Variants in INTS8 observed in about 807,000 individuals in gnomAD.
INTS8 encodes integrator complex subunit 8.
INTS8 carries 47 observed loss-of-function variants against 138.9 expected under a neutral mutation model. The observed-to-expected ratio is 0.34, with a 90% CI of 0.27 to 0.43. INTS8 has a LOEUF of 0.43. Ranked by LOEUF, INTS8 falls within the 20% of genes least tolerant of loss-of-function variation. INTS8 has a pLI of 1.00. For missense variants in INTS8, 996 were observed against 1,173.0 expected, an observed-to-expected ratio of 0.85 and a Z score of 2.20; for synonymous variants, 392 against 400.9, an observed-to-expected ratio of 0.98 and a Z score of 0.27.
At position 94,836,543 on chromosome 8, in the gene INTS8, C is replaced by T; in HGVS notation, c.773C>T (p.Ala258Val). The change falls in exon 7 of 27, where the codon GCA becomes GTA. Residue 258 changes from alanine (A) to valine (V), a missense_variant. Ala to Val is a moderately conservative substitution (Grantham distance 64). Transcript: ENST00000523731. ...TTTCAGGTGTGCTATGATTTGGGCG[C>T]AGCATACTTCCAGCAAGGCTCCACA... is the stretch of plus-strand genomic sequence containing the variant. ...MQCQVCYDLG[A>V]AYFQQGSTNS... 6.2e-7 allele frequency: 1 copy of T among 1,613,726 alleles called. No homozygotes were observed. The highest frequency in any genetic ancestry group is 8.5e-7 in the Non-Finnish European group (1 of 1,179,822).
At chr8:94,827,181 T>G in intron 2 of INTS8, 82 bp from the exon 3 acceptor site, 1 of 1,221,922 alleles carries the variant, frequency 8.2e-7, no homozygotes, top group East Asian at 2.3e-5. Flanking sequence ...GTAGGTATTT[T>G]CAGCGAGGAT....
In INTS8 at chr8:94,877,628, C is replaced by T. The variant is rs112144654; in HGVS notation, c.2871+1139C>T. ...TTGTTCCTCTACATGTGTCAAAAGACGTGAGGAATTTACCTGTCACCCTGA... is the reference window on the plus strand; with the variant it reads ...TTGTTCCTCTACATGTGTCAAAAGATGTGAGGAATTTACCTGTCACCCTGA... On this transcript the variant is annotated intron_variant, in intron 26 of 26. Coordinates refer to ENST00000523731, the MANE Select transcript of INTS8 (RefSeq NM_017864.4). Among the ~76,000 whole-genome samples the T allele has an allele frequency of 2.1e-3, 321 of 152,314 alleles. 1 individual carries two copies. In the Middle Eastern group the frequency reaches 0.031, roughly 15 times the overall value.
intron 15 of INTS8, 26 bp downstream of exon 15, chr8:94,857,004 T>A (rs1815772276): frequency 6.4e-7 from 1 of 1,558,544 alleles, no homozygotes; most frequent in Non-Finnish European, 8.8e-7. Flanking sequence ...AAAGACAAAT[T>A]TCAGAAACTC....
At position 94,850,095 on chromosome 8, in the gene INTS8, A is replaced by G; in HGVS notation, c.1507+4A>G. On this transcript the variant is annotated splice_donor_region_variant and intron_variant, in intron 12 of 26. Transcript: ENST00000523731. ...ACTTCATTTTATGATATCCCAGGTT[A>G]GCTCTCTAGTCGGCCAGCCAAAATG... 6.3e-7 allele frequency: 1 copy of G among 1,576,790 alleles called. No homozygotes were observed. Among genetic ancestry groups the G allele is most frequent in the Non-Finnish European group, 8.6e-7 (1 of 1,160,412 alleles).
intron 13 of INTS8, among the ~76,000 whole-genome samples, chr8:94,852,305 A>G (rs568737950): frequency 6.6e-6 from 1 of 152,310 alleles, no homozygotes; most frequent in South Asian, 2.1e-4. Flanking sequence ...CTGTAGCATA[A>G]TGCTTCATTA....
chr8:94,834,141 C>G (rs1814830185), intron 6 of INTS8, among the ~76,000 whole-genome samples: 2 of 152,100 alleles, frequency 1.3e-5, no homozygotes, highest in South Asian at 2.1e-4. Flanking sequence ...TTTTTTCCCC[C>G]AATAAAACCA....
At chr8:94,878,486 CTG>C (rs1816649582) in intron 26 of INTS8, among the ~76,000 whole-genome samples, 1 of 152,148 alleles carries the variant, frequency 6.6e-6, no homozygotes. Flanking sequence ...TAATCTACAG[CTG>C]TACTCATTGT....
chr8:94,849,769 G>C (rs1288632309), intron 11 of INTS8, 147 bp from the exon 12 acceptor site: 2 of 617,950 alleles, frequency 3.2e-6, no homozygotes, highest in Non-Finnish European at 5.3e-6. Context: ...GGACCAAAGG[G>C]AAATTTTAAA....
chr8:94,874,491 C>T, intron 22 of INTS8, 61 bp from the exon 23 acceptor site: 1 of 908,806 alleles, frequency 1.1e-6, no homozygotes, highest in Admixed American at 1.8e-5. Flanking sequence ...ACCAGAGTGA[C>T]ACATTTGTTA....
At chr8:94,872,244 G>C (rs190635855) in intron 21 of INTS8, among the ~76,000 whole-genome samples, 1 of 150,160 alleles carries the variant, frequency 6.7e-6, no homozygotes, top group African/African-American at 2.4e-5. Flanking sequence ...ATTTTTTTTT[G>C]TGTGTGTGTG....
At chr8:94,858,341 C>G (rs1815829519) in intron 15 of INTS8, among the ~76,000 whole-genome samples, 1 of 152,138 alleles carries the variant, frequency 6.6e-6, no homozygotes, top group African/African-American at 2.4e-5. Flanking sequence ...AGTTATAGAT[C>G]ATAACTTTTT....
chr8:94,851,177 CATTTT>C (rs2131032384), intron 12 of INTS8, among the ~76,000 whole-genome samples: 1 of 152,252 alleles, frequency 6.6e-6, no homozygotes, highest in East Asian at 1.9e-4. Flanking sequence ...TCAAAATTAA[CATTTT>C]ATATATGCTT....
chr8:94,865,840 C>A, intron 17 of INTS8, 150 bp downstream of exon 17: 2 of 712,080 alleles, frequency 2.8e-6, no homozygotes, highest in South Asian at 2.1e-5. Flanking sequence ...CTGTAGTACT[C>A]ACCTGTGATG....
intron 14 of INTS8, among the ~76,000 whole-genome samples, chr8:94,855,480 A>G (rs1815711604): frequency 6.6e-6 from 1 of 152,202 alleles, no homozygotes; most frequent in East Asian, 1.9e-4. Flanking sequence ...TCATGAGACA[A>G]TTGTAAGCCA....
intron 5 of INTS8, among the ~76,000 whole-genome samples, chr8:94,829,973 T>G (rs1423260584): frequency 6.6e-6 from 1 of 152,198 alleles, no homozygotes; most frequent in East Asian, 1.9e-4. Flanking sequence ...GTCAGCTCAC[T>G]GCAACTTCGC....
At chr8:94,834,362 G>GGTGTGTGTGTGTGTGT (rs35147334) in intron 6 of INTS8, among the ~76,000 whole-genome samples, 15 of 144,464 alleles carry the variant, frequency 1.0e-4, no homozygotes, top group African/African-American at 3.6e-4. Context: ...TATGTGCATG[G>GGTGTGTGTGTGTGTGT]GTGTGTGTGT....
In INTS8 at chr8:94,823,698, C is replaced by T. The variant is rs1425470456; in HGVS notation, c.130+137C>T. 1.2e-5 allele frequency: 8 copies of T among 664,674 alleles called. No homozygotes were observed. In the South Asian group the frequency reaches 1.2e-4, roughly 10 times the overall value. The allele number at this position is 664,674 out of a possible 1,614,324, so 41.2% of individuals were successfully genotyped here. On this transcript the variant is annotated intron_variant, in intron 1 of 26. Transcript: ENST00000523731. Reference sequence around the variant, plus strand: ...GCACAGGAGCCCAGCTCCGGCCGGGCTCCTCGCTTCCCTTAAACATGCCCG... The same window carrying T: ...GCACAGGAGCCCAGCTCCGGCCGGGTTCCTCGCTTCCCTTAAACATGCCCG...
At chr8:94,830,488 A>G (rs558093116) in intron 5 of INTS8, among the ~76,000 whole-genome samples, 1 of 152,280 alleles carries the variant, frequency 6.6e-6, no homozygotes, top group African/African-American at 2.4e-5. Flanking sequence ...GAATAAATCA[A>G]GTGGAACAGT....
intron 10 of INTS8, among the ~76,000 whole-genome samples, chr8:94,845,171 G>C (rs978267355): frequency 3.4e-5 from 5 of 148,466 alleles, no homozygotes; most frequent in African/African-American, 1.3e-4. Context: ...GTGTCATGAA[G>C]ATATTCTTCT....
Sources: allele counts gnomAD v4.1 joint callset (sites outside exome capture counted in the v4.1 genomes callset), GRCh38; gene constraint gnomAD v4.1.1; transcripts MANE v1.5; gene names NCBI Gene and HGNC (gene_info 2026-07-23, HGNC 2026-07-21).